The following ARID4B variants were observed in gnomAD, a reference collection of about 807,000 sequenced individuals.
The protein encoded by ARID4B is AT-rich interactive domain-containing protein 4B.
In ARID4B, 26 loss-of-function variants were observed where a neutral mutation model predicts 147.5. The ratio of observed to expected loss-of-function variants is 0.18; its 90% CI spans 0.13 to 0.24. ARID4B has a LOEUF of 0.24. ARID4B is among the 10% of genes least tolerant of loss of function. The pLI is 1.00. For synonymous variants in ARID4B, 512 were observed against 507.9 expected (o/e 1.01, Z -0.11); for missense variants, 1,179 against 1,511.5 (o/e 0.78, Z 3.65).
At chr1:235,277,549 A>AATAAT (rs1553309719) in intron 2 of ARID4B, among the ~76,000 whole-genome samples, 13 of 144,044 alleles carry the variant, frequency 9.0e-5, no homozygotes, top group African/African-American at 1.1e-4. Context: ...AAAAAAAAAA[A>AATAAT]AATAATAATA....
chr1:235,255,574 T>C lies in ARID4B; in HGVS notation c.274+86A>G, dbSNP rs1448967299. On this transcript the variant is annotated intron_variant, in intron 5 of 23. Coordinates refer to ENST00000264183, the MANE Select transcript of ARID4B (RefSeq NM_016374.6). ...TAATAATATCTAGGGTATTAAGAAG[T>C]GAATCCAGGAAATTTCATTTTATTT... is the stretch of plus-strand genomic sequence containing the variant. 5 of 826,076 alleles carry C rather than the reference T, an allele frequency of 6.1e-6. No individual in the cohort carries two copies. In the Admixed American group the frequency reaches 1.4e-4, roughly 24 times the overall value. The allele number at this position is 826,076 out of a possible 1,614,324, so 51.2% of individuals were successfully genotyped here. A position where few individuals can be genotyped will look rare whatever the true frequency, so the allele number is the denominator to read the frequency against.
At chr1:235,192,819 T>C (rs922237894) in intron 19 of ARID4B, among the ~76,000 whole-genome samples, 2 of 152,138 alleles carry the variant, frequency 1.3e-5, no homozygotes, top group Non-Finnish European at 2.9e-5. Flanking sequence ...AAAGAGGTCA[T>C]GTCAGGCCAG....
intron 11 of ARID4B, among the ~76,000 whole-genome samples, chr1:235,226,579 T>C (rs1480335943): frequency 6.6e-6 from 1 of 151,906 alleles, no homozygotes; most frequent in Non-Finnish European, 1.5e-5. Flanking sequence ...TGGAGTGCAG[T>C]GGCGTGATCT....
At chr1:235,234,555 C>A in intron 8 of ARID4B, 63 bp from the exon 9 acceptor site, 1 of 1,128,006 alleles carries the variant, frequency 8.9e-7, no homozygotes. Flanking sequence ...AAGTACCCAC[C>A]ATTTAAATCC....
At chr1:235,326,395 G>A (rs1675264629) in intron 2 of ARID4B, among the ~76,000 whole-genome samples, 1 of 152,076 alleles carries the variant, frequency 6.6e-6, no homozygotes, top group Non-Finnish European at 1.5e-5. Flanking sequence ...ATAACCCCAA[G>A]TCACTGGAAA....
At chr1:235,181,387 G>T in intron 20 of ARID4B, 198 bp downstream of exon 20, 1 of 779,340 alleles carries the variant, frequency 1.3e-6, no homozygotes, top group Non-Finnish European at 1.9e-6. Flanking sequence ...CTCAAGCAAA[G>T]CACATTAAAG....
intron 2 of ARID4B, among the ~76,000 whole-genome samples, chr1:235,286,687 A>G (rs1671996611): frequency 6.6e-6 from 1 of 152,236 alleles, no homozygotes; most frequent in Admixed American, 6.5e-5. Flanking sequence ...CCATAGCCAG[A>G]GTTCTGGAGA....
chr1:235,227,347 T>C (rs1289720108), intron 11 of ARID4B, among the ~76,000 whole-genome samples: 1 of 152,160 alleles, frequency 6.6e-6, no homozygotes, highest in African/African-American at 2.4e-5. Flanking sequence ...AAGGGAATGA[T>C]TGCTGATTTT....
intron 20 of ARID4B, among the ~76,000 whole-genome samples, chr1:235,179,525 CAAAAAAAAAA>C (rs61143006): frequency 1.2e-4 from 6 of 48,356 alleles, no homozygotes; most frequent in Admixed American, 5.6e-4. Context: ...CTCTATGTCT[CAAAAAAAAAA>C]AAAAAAAAAA....
chr1:235,255,330 A>G (rs545314824), intron 5 of ARID4B, among the ~76,000 whole-genome samples: 74 of 149,862 alleles, frequency 4.9e-4, no homozygotes, highest in South Asian at 2.2e-3. Context: ...CTATTATAAA[A>G]CAACATGAAT....
intron 19 of ARID4B, among the ~76,000 whole-genome samples, chr1:235,185,307 C>T (rs1050428346): frequency 4.6e-5 from 7 of 152,130 alleles, no homozygotes; most frequent in African/African-American, 1.4e-4. Flanking sequence ...CTTTCTTATA[C>T]AGCATTTTAT....
intron 17 of ARID4B, among the ~76,000 whole-genome samples, chr1:235,213,075 CA>C (rs2103006591): frequency 6.6e-6 from 1 of 152,060 alleles, no homozygotes; most frequent in East Asian, 1.9e-4. Context: ...TGGATAAAAT[CA>C]AAATACAAAA....
chr1:235,265,653 C>T (rs568478732), intron 2 of ARID4B, among the ~76,000 whole-genome samples: 17 of 151,408 alleles, frequency 1.1e-4, no homozygotes, highest in African/African-American at 3.9e-4. Context: ...GAGCAGAGAT[C>T]GCGCCACCGC....
At chr1:235,310,794 C>T (rs1427956769) in intron 2 of ARID4B, among the ~76,000 whole-genome samples, 1 of 152,148 alleles carries the variant, frequency 6.6e-6, no homozygotes, top group African/African-American at 2.4e-5. Flanking sequence ...CCTCAACTTC[C>T]TGAGTAGCTG....
intron 22 of ARID4B, among the ~76,000 whole-genome samples, chr1:235,174,210 T>C (rs1278868264): frequency 2.0e-5 from 3 of 151,822 alleles, no homozygotes; most frequent in Non-Finnish European, 4.4e-5. Flanking sequence ...CAGCTAATTT[T>C]TTGTTTTATT....
Position 235,303,250 on chromosome 1 carries a change from G to A in ARID4B, c.6+23664C>T, listed in dbSNP as rs147447336. ...AGAGTTTATATTCTTAACCAATGAC[G>A]CTGTACTATCTTCCACCCAAAATTT... On this transcript the variant is annotated intron_variant, in intron 2 of 23. Transcript: ENST00000264183. Among the ~76,000 whole-genome samples the A allele has an allele frequency of 1.6e-4, 25 of 152,100 alleles. No homozygotes were observed. The East Asian group carries it at 4.6e-3, about 28-fold the overall frequency.
chr1:235,187,142 C>T (rs1467174647), intron 19 of ARID4B: 3 of 322,612 alleles, frequency 9.3e-6, no homozygotes, highest in South Asian at 2.3e-5. Flanking sequence ...AGCGCAATGG[C>T]GTGATCTCAG....
intron 11 of ARID4B, among the ~76,000 whole-genome samples, chr1:235,226,964 T>C (rs902386229): frequency 1.3e-5 from 2 of 152,194 alleles, no homozygotes; most frequent in Non-Finnish European, 2.9e-5. Flanking sequence ...CCACCGTGCC[T>C]GCCAGGAGCA....
chr1:235,307,906 A>G (rs1433515596), intron 2 of ARID4B, among the ~76,000 whole-genome samples: 2 of 152,006 alleles, frequency 1.3e-5, no homozygotes, highest in African/African-American at 4.8e-5. Context: ...ATCAAGGCTC[A>G]CTGCAGCCTT....
Sources: allele counts gnomAD v4.1 joint callset (sites outside exome capture counted in the v4.1 genomes callset), GRCh38; gene constraint gnomAD v4.1.1; transcripts MANE v1.5; gene names NCBI Gene and HGNC (gene_info 2026-07-23, HGNC 2026-07-21).